The following MYO10 variants were observed in gnomAD, a reference collection of about 807,000 sequenced individuals.
MYO10 encodes myosin X, also known as unconventional myosin-X.
A neutral mutation model predicts 257.3 loss-of-function variants in MYO10; 133 were observed. That is an observed-to-expected ratio of 0.52 (90% CI 0.45 to 0.60). The LOEUF is 0.60. MYO10 is among the 20% of genes least tolerant of loss of function. The pLI, the probability that MYO10 is intolerant of heterozygous loss-of-function variation, is 0.00. For missense variants in MYO10, 2,399 were observed against 2,635.7 expected, an observed-to-expected ratio of 0.91 and a Z score of 1.97; for synonymous variants, 1,104 against 1,028.6, an observed-to-expected ratio of 1.07 and a Z score of -1.40.
chr5:16,704,543 G>T (rs753266959), intron 22 of MYO10, 36 bp downstream of exon 22: 5 of 1,565,838 alleles, frequency 3.2e-6, no homozygotes, highest in African/African-American at 1.4e-5. Context: ...CCCTCATGGA[G>T]CTTCCTGCCT....
chr5:16,702,853 G>A lies in MYO10; in HGVS notation c.2510+72C>T. 2.9e-6 allele frequency: 4 copies of A among 1,358,126 alleles called. 1 individual carries two copies. The highest frequency in any genetic ancestry group is 2.7e-5 in the South Asian group (2 of 73,094). The allele number at this position is 1,358,126 out of a possible 1,614,324, so 84.1% of individuals were successfully genotyped here. A position where few individuals can be genotyped will look rare whatever the true frequency, so the allele number is the denominator to read the frequency against. ...GGGGCATCTGCTGGGATTTCTGGCT[G>A]CACAGACAGATACCGAGCACAGCAC... is the stretch of plus-strand genomic sequence containing the variant. On this transcript the variant is annotated intron_variant, in intron 23 of 40. Transcript: ENST00000513610.
intron 2 of MYO10, among the ~76,000 whole-genome samples, chr5:16,844,214 A>G (rs1313699899): frequency 6.6e-6 from 1 of 152,180 alleles, no homozygotes; most frequent in Non-Finnish European, 1.5e-5. Flanking sequence ...TTTTCTTCCA[A>G]ACTATTTTTA....
chr5:16,714,500 G>A (rs1278301415), intron 19 of MYO10, among the ~76,000 whole-genome samples: 1 of 152,112 alleles, frequency 6.6e-6, no homozygotes, highest in Non-Finnish European at 1.5e-5. Flanking sequence ...TCCCCTCGGT[G>A]GCAGCAACAA....
intron 33 of MYO10, among the ~76,000 whole-genome samples, chr5:16,678,187 C>CA (rs1736824918): frequency 6.6e-6 from 1 of 152,170 alleles, no homozygotes; most frequent in Non-Finnish European, 1.5e-5. Context: ...AAGAAATCTT[C>CA]AAAAAATAAA....
intron 19 of MYO10, among the ~76,000 whole-genome samples, chr5:16,742,622 C>T (rs1740054336): frequency 6.6e-6 from 1 of 151,820 alleles, no homozygotes; most frequent in Non-Finnish European, 1.5e-5. Flanking sequence ...GAGTTCGAGA[C>T]CAGCCTGGCC....
At chr5:16,928,742 G>A (rs981203934) in intron 1 of MYO10, among the ~76,000 whole-genome samples, 4 of 151,294 alleles carry the variant, frequency 2.6e-5, no homozygotes, top group Middle Eastern at 3.4e-3. Flanking sequence ...CTACTTGGGA[G>A]GCTAAGGCAG....
At chr5:16,681,243 C>T in intron 32 of MYO10, 66 bp downstream of exon 32, 1 of 1,484,504 alleles carries the variant, frequency 6.7e-7, no homozygotes, top group Non-Finnish European at 9.1e-7. Flanking sequence ...AATCTTATTC[C>T]TTTGCCCGGA....
rs3892700 is a variant in MYO10 at position 16,673,850 on chromosome 5, G to A, written c.5004C>T (p.Tyr1668=). 3.1e-3 allele frequency: 5,060 copies of A among 1,613,900 alleles called. 116 individuals carry two copies. In the African/African-American group the frequency reaches 0.059, roughly 19 times the overall value. Residue 1668 remains tyrosine, a synonymous_variant, in exon 36 of 41, where the codon TAC becomes TAT. Transcript: ENST00000513610. ...TAAGAGATTCGTAAGTGAAGAGAGC[G>A]TATTTTTCCATCTCGCTTCCTGGAA... ...EQFPGSEMEK[Y]ALFTYESLKK... is the part of the protein sequence containing the mutation.
rs147383053 is a variant in MYO10 at position 16,723,625 on chromosome 5, T to C, written c.1930-12380A>G. Among the ~76,000 whole-genome samples, 642 of 152,248 alleles carry C rather than the reference T, an allele frequency of 4.2e-3. 1 individual carries two copies. Among genetic ancestry groups the C allele is most frequent in the South Asian group, 0.014 (65 of 4,812 alleles). ...ACTGCCCGCTGAGGTATTTTCCCATTTAGGCAAAAACTTACGTCCACACAA... is the reference window on the plus strand; with the variant it reads ...ACTGCCCGCTGAGGTATTTTCCCATCTAGGCAAAAACTTACGTCCACACAA... On this transcript the variant is annotated intron_variant, in intron 19 of 40. Coordinates refer to ENST00000513610, the MANE Select transcript of MYO10 (RefSeq NM_012334.3).
chr5:16,761,399 T>C, intron 17 of MYO10, 65 bp downstream of exon 17: 1 of 1,283,822 alleles, frequency 7.8e-7, no homozygotes. Flanking sequence ...TATTTGTGAA[T>C]TAAAAGCATT....
chr5:16,723,058 G>A lies in MYO10; in HGVS notation c.1930-11813C>T, dbSNP rs538393043. Among the ~76,000 whole-genome samples the A allele has an allele frequency of 2.6e-5, 4 of 152,296 alleles. No individual in the cohort carries two copies. The South Asian group carries it at 6.2e-4, about 24-fold the overall frequency. On this transcript the variant is annotated intron_variant, in intron 19 of 40. Coordinates refer to ENST00000513610, the MANE Select transcript of MYO10 (RefSeq NM_012334.3). The stretch of plus-strand genomic sequence containing the variant: ...AGATAGGCTAATAAGCATATGAAAA[G>A]ATATCACCTGTCATTGGGGAATTAC...
intron 1 of MYO10, among the ~76,000 whole-genome samples, chr5:16,896,568 G>A (rs1745224455): frequency 6.6e-6 from 1 of 152,096 alleles, no homozygotes; most frequent in Non-Finnish European, 1.5e-5. Context: ...GCTCCAGCCT[G>A]GGCAACAAAG....
At chr5:16,840,897 T>C (rs2126726868) in intron 2 of MYO10, among the ~76,000 whole-genome samples, 1 of 151,988 alleles carries the variant, frequency 6.6e-6, no homozygotes, top group East Asian at 1.9e-4. Flanking sequence ...TCCCAGCACT[T>C]TGGGAGGCCA....
chr5:16,755,820 A>T (rs1416189018), intron 18 of MYO10, among the ~76,000 whole-genome samples: 3 of 149,434 alleles, frequency 2.0e-5, no homozygotes, highest in Admixed American at 6.8e-5. Flanking sequence ...GGCTAATCTC[A>T]TTTCGCCTGA....
chr5:16,812,872 G>A (rs1437273132), intron 3 of MYO10, among the ~76,000 whole-genome samples: 1 of 151,724 alleles, frequency 6.6e-6, no homozygotes, highest in African/African-American at 2.4e-5. Flanking sequence ...CCAAAGAGGA[G>A]GTTAGTGAAG....
At position 16,769,209 on chromosome 5, in the gene MYO10, A is replaced by T. The variant is rs1461946036; in HGVS notation, c.931-6T>A. On this transcript the variant is annotated splice_region_variant and splice_polypyrimidine_tract_variant and intron_variant, in intron 9 of 40. Coordinates refer to ENST00000513610, the MANE Select transcript of MYO10 (RefSeq NM_012334.3). ...TGCATCACGTCCATTGCCGTCTAGA[A>T]GAAAATAAATGTATTTAATTTTATG... 1.9e-6 allele frequency: 3 copies of T among 1,593,700 alleles called. No individual in the cohort carries two copies. Among genetic ancestry groups the T allele is most frequent in the South Asian group, 1.2e-5 (1 of 86,170 alleles).
chr5:16,917,974 C>T lies in MYO10; in HGVS notation c.21+17814G>A, dbSNP rs552010921. Reference sequence around the variant, plus strand: ...ATTTCTGCTGATCTAACCATGCTAGCCACTTTCTTTTTAAACTACAGAATA... The same window carrying T: ...ATTTCTGCTGATCTAACCATGCTAGTCACTTTCTTTTTAAACTACAGAATA... On this transcript the variant is annotated intron_variant, in intron 1 of 40. Transcript: ENST00000513610. Among the ~76,000 whole-genome samples the T allele has an allele frequency of 3.7e-4, 56 of 152,150 alleles. 1 individual carries two copies. Among genetic ancestry groups the T allele is most frequent in the Non-Finnish European group, 7.3e-4 (50 of 68,028 alleles).
At position 16,782,627 on chromosome 5, in the gene MYO10, A is replaced by G. The variant is rs543088439; in HGVS notation, c.602+708T>C. Among the ~76,000 whole-genome samples, 31 of 152,234 alleles carry G rather than the reference A, an allele frequency of 2.0e-4. No individual in the cohort carries two copies. In the South Asian group the frequency reaches 6.0e-3, roughly 30 times the overall value. On this transcript the variant is annotated intron_variant, in intron 5 of 40. Transcript: ENST00000513610. ...TTACATGCTAAAAAACAAAAAACAA[A>G]AACAGGCTGCAAGATATGGGCACGA...
At chr5:16,893,302 T>C (rs1031271788) in intron 1 of MYO10, among the ~76,000 whole-genome samples, 1 of 151,898 alleles carries the variant, frequency 6.6e-6, no homozygotes, top group Non-Finnish European at 1.5e-5. Context: ...TAAATGCCTC[T>C]TTGGTCCTCT....
Sources: allele counts gnomAD v4.1 joint callset (sites outside exome capture counted in the v4.1 genomes callset), GRCh38; gene constraint gnomAD v4.1.1; transcripts MANE v1.5; gene names NCBI Gene and HGNC (gene_info 2026-07-23, HGNC 2026-07-21).